The following FCHO2 variants were observed in gnomAD, a reference collection of about 807,000 sequenced individuals.
The protein encoded by FCHO2 is F-BAR domain only protein 2.
Under a neutral mutation model 114.1 loss-of-function variants are expected in FCHO2, and 43 were observed. That is an observed-to-expected ratio of 0.38 (90% CI 0.30 to 0.49). FCHO2 has a LOEUF of 0.49. Ranked by LOEUF, FCHO2 falls within the 20% of genes least tolerant of loss-of-function variation. The probability of loss-of-function intolerance (pLI) is 0.97; values close to 1 mark genes in which losing one functional copy is unlikely to be tolerated. For missense variants in FCHO2, 807 were observed against 950.4 expected (o/e 0.85, Z 1.98); for synonymous variants, 293 against 315.2 (o/e 0.93, Z 0.75).
intron 20 of FCHO2, 73 bp from the exon 21 acceptor site, chr5:73,077,265 C>A: frequency 7.0e-7 from 1 of 1,437,876 alleles, no homozygotes; most frequent in Non-Finnish European, 9.3e-7. Flanking sequence ...CACGCGTGTG[C>A]CTTTTTAAAC....
intron 2 of FCHO2, among the ~76,000 whole-genome samples, chr5:72,971,762 T>C (rs1752570326): frequency 6.6e-6 from 1 of 152,250 alleles, no homozygotes; most frequent in Non-Finnish European, 1.5e-5. Flanking sequence ...GTTTTAGACA[T>C]GAAGTCCTTG....
At chr5:72,999,477 G>A (rs1476822228) in intron 5 of FCHO2, among the ~76,000 whole-genome samples, 1 of 148,536 alleles carries the variant, frequency 6.7e-6, no homozygotes, top group African/African-American at 2.5e-5. Context: ...CTGCCTCCTG[G>A]ATTCAAGCCA....
chr5:73,081,599 T>C (rs568462982), intron 22 of FCHO2, among the ~76,000 whole-genome samples, 184 bp from the exon 23 acceptor site: 1 of 152,190 alleles, frequency 6.6e-6, no homozygotes, highest in African/African-American at 2.4e-5. Flanking sequence ...TAAGTAGTAG[T>C]AGGTCCCCAC....
chr5:73,049,766 TCTG>T (rs1179315365), intron 11 of FCHO2, among the ~76,000 whole-genome samples: 2 of 152,222 alleles, frequency 1.3e-5, no homozygotes, highest in East Asian at 1.9e-4. Flanking sequence ...TTAGGCAACT[TCTG>T]CTGTTTTTAA....
chr5:72,959,055 T>TA (rs1554060104), intron 1 of FCHO2, among the ~76,000 whole-genome samples: 6 of 152,234 alleles, frequency 3.9e-5, no homozygotes, highest in Non-Finnish European at 7.3e-5. Context: ...AAATCTAATT[T>TA]ATGTTTTAGT....
intron 1 of FCHO2, among the ~76,000 whole-genome samples, chr5:72,956,594 T>C (rs974557943): frequency 6.6e-6 from 1 of 152,118 alleles, no homozygotes; most frequent in Admixed American, 6.5e-5. Context: ...AGCGATCCCT[T>C]TTACCTCTGA....
chr5:73,045,122 T>C (rs1053859777), intron 11 of FCHO2, among the ~76,000 whole-genome samples: 4 of 152,242 alleles, frequency 2.6e-5, no homozygotes, highest in Non-Finnish European at 4.4e-5. Context: ...TTGTTACCCC[T>C]TCTTCCTGAC....
At chr5:73,058,861 G>A (rs1286362550) in intron 17 of FCHO2, among the ~76,000 whole-genome samples, 2 of 151,994 alleles carry the variant, frequency 1.3e-5, no homozygotes, top group African/African-American at 4.8e-5. Context: ...GGAAGTTTAA[G>A]TTGCATCTAA....
intron 1 of FCHO2, among the ~76,000 whole-genome samples, chr5:72,968,166 C>T (rs1405172834): frequency 3.9e-5 from 6 of 152,092 alleles, no homozygotes; most frequent in South Asian, 2.1e-4. Context: ...CCTCGTGATC[C>T]GCCCACCTCG....
At chr5:73,078,058 T>C (rs529667076) in intron 21 of FCHO2, 122 bp from the exon 22 acceptor site, 1 of 646,178 alleles carries the variant, frequency 1.5e-6, no homozygotes, top group Non-Finnish European at 2.4e-6. Context: ...CTGATCTAAT[T>C]TTCCTTCATC....
Position 72,968,490 on chromosome 5 carries a change from A to G in FCHO2, c.34-8A>G. ...TTTTATGAAACTAAAAATCTTTTTAAATTTTAGGGGGAAAAAAATAGTGGC... is the reference window on the plus strand; with the variant it reads ...TTTTATGAAACTAAAAATCTTTTTAGATTTTAGGGGGAAAAAAATAGTGGC... On this transcript the variant is annotated splice_region_variant and splice_polypyrimidine_tract_variant and intron_variant, in intron 1 of 25. Transcript: ENST00000430046. 1 of 1,496,658 alleles carries G rather than the reference A, an allele frequency of 6.7e-7. No homozygotes were observed. The highest frequency in any genetic ancestry group is 8.8e-7 in the Non-Finnish European group (1 of 1,130,204). 92.7% of individuals were successfully genotyped at this position (1,496,658 alleles called of 1,614,324 possible). A position where few individuals can be genotyped will look rare whatever the true frequency, so the allele number is the denominator to read the frequency against.
rs1039493776 is a variant in FCHO2, at chr5:73,015,502, A to G, written c.601-124A>G. 7.8e-6 allele frequency: 4 copies of G among 510,654 alleles called. No individual in the cohort carries two copies. The Admixed American group carries it at 1.7e-4, about 22-fold the overall frequency. The allele number at this position is 510,654 out of a possible 1,614,324, so 31.6% of individuals were successfully genotyped here. A position where few individuals can be genotyped will look rare whatever the true frequency, so the allele number is the denominator to read the frequency against. ...GGTCTTGAACTTCTGACCTCAAGTG[A>G]TCCACCTGCCTCAGCCTCCCAAAGT... is the stretch of plus-strand genomic sequence containing the variant. On this transcript the variant is annotated intron_variant, in intron 6 of 25. Transcript: ENST00000430046.
At chr5:72,989,208 A>T (rs900423012) in intron 2 of FCHO2, among the ~76,000 whole-genome samples, 31 of 151,914 alleles carry the variant, frequency 2.0e-4, no homozygotes, top group African/African-American at 2.9e-4. Context: ...AGACTGTTTT[A>T]AAAAAAAATT....
intron 19 of FCHO2, among the ~76,000 whole-genome samples, chr5:73,070,882 A>G (rs1742611535): frequency 6.6e-6 from 1 of 152,066 alleles, no homozygotes; most frequent in Non-Finnish European, 1.5e-5. Flanking sequence ...TTTTATTTAA[A>G]TACAATAGAA....
At chr5:72,981,550 G>C (rs1350132012) in intron 2 of FCHO2, among the ~76,000 whole-genome samples, 1 of 152,190 alleles carries the variant, frequency 6.6e-6, no homozygotes, top group Non-Finnish European at 1.5e-5. Flanking sequence ...TTCCAACTTG[G>C]TTCCATTCTC....
rs867975241 is a variant in FCHO2, at chr5:72,972,794, A to G, written c.125+4205A>G. Reference sequence around the variant, plus strand: ...TGTCTTGTGCCAGTTTTCAAAGGGAATGCTTCCAGTTTTTGCCCATTCAGT... The same window carrying G: ...TGTCTTGTGCCAGTTTTCAAAGGGAGTGCTTCCAGTTTTTGCCCATTCAGT... On this transcript the variant is annotated intron_variant, in intron 2 of 25. Coordinates refer to ENST00000430046, the MANE Select transcript of FCHO2 (RefSeq NM_138782.3). Among the ~76,000 whole-genome samples the G allele has an allele frequency of 5.6e-3, 845 of 152,148 alleles. 9 individuals carry two copies. The highest frequency in any genetic ancestry group is 0.02 in the African/African-American group (815 of 41,520).
chr5:72,967,605 TAA>T (rs1185678431), intron 1 of FCHO2, among the ~76,000 whole-genome samples: 1 of 152,176 alleles, frequency 6.6e-6, no homozygotes, highest in Non-Finnish European at 1.5e-5. Context: ...GCATATTCCT[TAA>T]AATTTCATAC....
intron 14 of FCHO2, 99 bp from the exon 15 acceptor site, chr5:73,054,426 A>G: frequency 9.1e-7 from 1 of 1,093,966 alleles, no homozygotes; most frequent in Non-Finnish European, 1.3e-6. Context: ...GATATACTAA[A>G]AACAACATAA....
intron 8 of FCHO2, among the ~76,000 whole-genome samples, chr5:73,031,276 A>G (rs936685876): frequency 2.6e-5 from 4 of 152,156 alleles, no homozygotes; most frequent in Admixed American, 1.3e-4. Flanking sequence ...ACACCCCTTC[A>G]TTATCATCAT....
Sources: gnomAD v4.1 joint callset for allele counts (sites outside exome capture counted in the v4.1 genomes callset) on GRCh38, gnomAD v4.1.1 for gene constraint, MANE v1.5 for transcripts, NCBI Gene and HGNC (gene_info 2026-07-23, HGNC 2026-07-21) for gene names.